The following NBEA variants were observed in gnomAD, a reference collection of about 807,000 sequenced individuals.
The protein encoded by NBEA is lysosomal-trafficking regulator 2.
Under a neutral mutation model 343.4 loss-of-function variants are expected in NBEA, and 44 were observed. The observed-to-expected ratio is 0.13, with a 90% CI of 0.10 to 0.16. NBEA has a LOEUF of 0.16. Among genes scored for constraint, NBEA ranks in the 10% least tolerant of loss-of-function variants. NBEA has a pLI of 1.00. For missense variants in NBEA, 2,555 were observed against 3,631.3 expected (o/e 0.70, Z 7.62); for synonymous variants, 1,175 against 1,238.7 (o/e 0.95, Z 1.08).
intron 1 of NBEA, among the ~76,000 whole-genome samples, chr13:34,982,096 TC>T (rs1331097548): frequency 6.6e-5 from 10 of 152,118 alleles, no homozygotes; most frequent in Non-Finnish European, 1.5e-4. Flanking sequence ...TATTACTTTG[TC>T]CTACTTGCTG....
intron 36 of NBEA, among the ~76,000 whole-genome samples, chr13:35,319,017 GGTCT>G (rs1478335868): frequency 6.6e-6 from 1 of 152,010 alleles, no homozygotes; most frequent in Non-Finnish European, 1.5e-5. Flanking sequence ...TCTGGCTAGA[GGTCT>G]GTCTATTTTG....
chr13:35,249,327 A>AG (rs2031665434), intron 34 of NBEA, among the ~76,000 whole-genome samples: 1 of 152,176 alleles, frequency 6.6e-6, no homozygotes, highest in South Asian at 2.1e-4. Context: ...TGAAAGGCAA[A>AG]GGCAACCTAT....
At chr13:35,323,417 G>T (rs1350525658) in intron 36 of NBEA, among the ~76,000 whole-genome samples, 3 of 152,012 alleles carry the variant, frequency 2.0e-5, no homozygotes, top group Non-Finnish European at 4.4e-5. Flanking sequence ...CCTTTGTAGG[G>T]ACATGGATGA....
At chr13:34,993,880 A>C (rs1291795505) in intron 1 of NBEA, among the ~76,000 whole-genome samples, 1 of 152,128 alleles carries the variant, frequency 6.6e-6, no homozygotes, top group Non-Finnish European at 1.5e-5. Flanking sequence ...AAACAGTAAA[A>C]GATTACCTAA....
chr13:35,191,108 GAA>G (rs1394767554), intron 30 of NBEA, among the ~76,000 whole-genome samples: 1 of 151,778 alleles, frequency 6.6e-6, no homozygotes, highest in Non-Finnish European at 1.5e-5. Flanking sequence ...ACAGAACAAA[GAA>G]AGAATGAAGA....
At chr13:35,597,470 A>G (rs2081859670) in intron 47 of NBEA, among the ~76,000 whole-genome samples, 1 of 152,190 alleles carries the variant, frequency 6.6e-6, no homozygotes, top group South Asian at 2.1e-4. Context: ...CATGCAATCT[A>G]GTGTCTAATG....
At chr13:35,201,063 G>A (rs117347076) in intron 31 of NBEA, among the ~76,000 whole-genome samples, 3 of 151,880 alleles carry the variant, frequency 2.0e-5, no homozygotes, top group East Asian at 1.9e-4. Context: ...ACAAATAAAC[G>A]TAAGCCAAAT....
chr13:35,312,566 G>A (rs1311725968), intron 36 of NBEA, among the ~76,000 whole-genome samples: 1 of 152,160 alleles, frequency 6.6e-6, no homozygotes, highest in Non-Finnish European at 1.5e-5. Flanking sequence ...AAAATGTTTA[G>A]GTGTGGCCTG....
At chr13:35,442,495 G>T (rs1594653192) in intron 39 of NBEA, among the ~76,000 whole-genome samples, 1 of 152,068 alleles carries the variant, frequency 6.6e-6, no homozygotes, top group Non-Finnish European at 1.5e-5. Flanking sequence ...TTAAAATATG[G>T]TTTATCAAAT....
chr13:35,014,569 G>A (rs1466596034), intron 1 of NBEA, among the ~76,000 whole-genome samples: 1 of 152,166 alleles, frequency 6.6e-6, no homozygotes, highest in Non-Finnish European at 1.5e-5. Context: ...CTAAACTAAT[G>A]TACTTCTGCT....
intron 34 of NBEA, among the ~76,000 whole-genome samples, chr13:35,252,099 G>A (rs533287206): frequency 1.3e-5 from 2 of 152,238 alleles, no homozygotes; most frequent in African/African-American, 2.4e-5. Context: ...CCAAGACTGG[G>A]TAGTTCATAA....
At chr13:35,227,799 G>A (rs948122482) in intron 33 of NBEA, among the ~76,000 whole-genome samples, 1 of 151,832 alleles carries the variant, frequency 6.6e-6, no homozygotes, top group African/African-American at 2.4e-5. Flanking sequence ...AAACATAAGG[G>A]TGTTTGTTAA....
At chr13:35,141,894 G>C (rs974178902) in intron 17 of NBEA, among the ~76,000 whole-genome samples, 8 of 152,094 alleles carry the variant, frequency 5.3e-5, no homozygotes, top group Non-Finnish European at 2.9e-5. Context: ...CTTTGAATTT[G>C]TACAGGCATG....
rs979661916 is a variant in NBEA, at chr13:35,640,882, T to C, written c.7618-4987T>C. On this transcript the variant is annotated intron_variant, in intron 49 of 58. Coordinates refer to ENST00000379939, the MANE Select transcript of NBEA (RefSeq NM_001385012.1). ...TGCCTATACCTACAAAATTCCATGT[T>C]TTAGAACTTCCTCAAGGTGTTCAAC... 2.6e-5 allele frequency among the ~76,000 whole-genome samples: 4 copies of C among 152,130 alleles called. No homozygotes were observed. In the South Asian group the frequency reaches 8.3e-4, roughly 32 times the overall value.
At chr13:35,382,482 T>G (rs1171540838) in intron 38 of NBEA, among the ~76,000 whole-genome samples, 1 of 152,148 alleles carries the variant, frequency 6.6e-6, no homozygotes, top group African/African-American at 2.4e-5. Flanking sequence ...AGAAACTCAT[T>G]AACAGTTTTG....
intron 1 of NBEA, among the ~76,000 whole-genome samples, chr13:35,020,649 C>G (rs2061806078): frequency 1.3e-5 from 2 of 152,140 alleles, no homozygotes; most frequent in Non-Finnish European, 2.9e-5. Flanking sequence ...CTCCGAGTAG[C>G]TTGGACTACA....
At chr13:35,083,170 T>C (rs1315720898) in intron 10 of NBEA, among the ~76,000 whole-genome samples, 2 of 152,224 alleles carry the variant, frequency 1.3e-5, no homozygotes, top group Non-Finnish European at 2.9e-5. Flanking sequence ...ATTTATTAAA[T>C]AGGGAATCCT....
chr13:34,953,708 G>A (rs1021089550), intron 1 of NBEA, among the ~76,000 whole-genome samples: 8 of 152,180 alleles, frequency 5.3e-5, no homozygotes, highest in African/African-American at 1.9e-4. Context: ...ATGGATGGTT[G>A]CATCCATACT....
intron 31 of NBEA, among the ~76,000 whole-genome samples, chr13:35,197,386 G>C (rs2072693709): frequency 6.6e-6 from 1 of 152,100 alleles, no homozygotes; most frequent in Non-Finnish European, 1.5e-5. Context: ...AAATGTCAAA[G>C]TATATAGTCA....
Sources: gnomAD v4.1 joint callset for allele counts (sites outside exome capture counted in the v4.1 genomes callset) on GRCh38, gnomAD v4.1.1 for gene constraint, MANE v1.5 for transcripts, NCBI Gene and HGNC (gene_info 2026-07-23, HGNC 2026-07-21) for gene names.